Variants in CADPS2 observed in about 807,000 individuals in gnomAD.
CADPS2 encodes calcium dependent secretion activator 2, also known as calcium-dependent secretion activator 2.
CADPS2 carries 93 observed loss-of-function variants against 172.5 expected under a neutral mutation model. The ratio of observed to expected loss-of-function variants is 0.54; its 90% CI spans 0.46 to 0.64. The LOEUF (loss-of-function observed/expected upper bound fraction) is 0.64, where lower values mean the gene tolerates loss of function less well. Among genes scored for constraint, CADPS2 ranks in the 30% least tolerant of loss-of-function variants. The pLI is 0.00. For synonymous variants in CADPS2, 546 were observed against 555.2 expected, an observed-to-expected ratio of 0.98 and a Z score of 0.23; for missense variants, 1,420 against 1,565.9, an observed-to-expected ratio of 0.91 and a Z score of 1.57.
intron 2 of CADPS2, chr7:122,698,160 C>T (rs758741137): frequency 1.2e-6 from 2 of 1,613,876 alleles, no homozygotes; most frequent in Non-Finnish European, 1.7e-6. Flanking sequence ...CGCAGCTATC[C>T]CCATTTGGAT....
chr7:122,671,263 C>T (rs1221236943), intron 2 of CADPS2, among the ~76,000 whole-genome samples: 1 of 152,194 alleles, frequency 6.6e-6, no homozygotes, highest in Non-Finnish European at 1.5e-5. Flanking sequence ...CACTAGGCTA[C>T]GTACATAGAC....
intron 2 of CADPS2, among the ~76,000 whole-genome samples, chr7:122,736,293 T>C (rs2092144369): frequency 6.6e-6 from 1 of 152,214 alleles, no homozygotes; most frequent in Non-Finnish European, 1.5e-5. Flanking sequence ...CTTCTTCAGC[T>C]GAAAGGTGTT....
At position 122,490,156 on chromosome 7, in the gene CADPS2, A is replaced by G. The variant is rs759378109; in HGVS notation, c.1777T>C (p.Tyr593His). 2 of 1,613,564 alleles carry G rather than the reference A, an allele frequency of 1.2e-6. No homozygotes were observed. The highest frequency in any genetic ancestry group is 1.1e-5 in the South Asian group (1 of 91,082). Residue 593 changes from tyrosine (Y) to histidine (H), a missense_variant, in exon 11 of 30, where the codon TAT becomes CAT. Coordinates refer to ENST00000449022, the MANE Select transcript of CADPS2 (RefSeq NM_017954.11). Reference protein sequence around the residue: ...QAMYRATGQSYKPVPAIQTQK... With the variant: ...QAMYRATGQSHKPVPAIQTQK... The stretch of plus-strand genomic sequence containing the variant: ...GTTTGAATTGCAGGAACTGGTTTAT[A>G]TGATTGACCTGTGGCCCTATACATG...
At position 122,379,357 on chromosome 7, in the gene CADPS2, T is replaced by C; in HGVS notation, c.3387+11A>G. 6.5e-7 allele frequency: 1 copy of C among 1,535,998 alleles called. No homozygotes were observed. Among genetic ancestry groups the C allele is most frequent in the Non-Finnish European group, 8.9e-7 (1 of 1,122,488 alleles). The stretch of plus-strand genomic sequence containing the variant: ...ACTTTGATTTAAAAAGGTGAATAAA[T>C]AATACATTACCTTTGAAACTAACAG... On this transcript the variant is annotated intron_variant, in intron 25 of 29. Transcript: ENST00000449022.
chr7:122,411,502 G>A (rs1007839793), intron 19 of CADPS2, among the ~76,000 whole-genome samples: 4 of 152,056 alleles, frequency 2.6e-5, no homozygotes, highest in Admixed American at 2.0e-4. Context: ...TTACAGGTGT[G>A]AGCCACCGCA....
At chr7:122,417,656 T>G (rs955755180) in intron 17 of CADPS2, among the ~76,000 whole-genome samples, 2 of 152,174 alleles carry the variant, frequency 1.3e-5, no homozygotes, top group Non-Finnish European at 2.9e-5. Flanking sequence ...TGGGGGCCGC[T>G]CTAGCTGTTC....
At chr7:122,651,910 C>T (rs1163578978) in intron 3 of CADPS2, among the ~76,000 whole-genome samples, 1 of 152,148 alleles carries the variant, frequency 6.6e-6, no homozygotes, top group Non-Finnish European at 1.5e-5. Context: ...TTACATGCCT[C>T]TCTATAGTCC....
intron 2 of CADPS2, among the ~76,000 whole-genome samples, chr7:122,686,688 C>T (rs1489713033): frequency 1.3e-5 from 2 of 152,220 alleles, no homozygotes; most frequent in Non-Finnish European, 2.9e-5. Flanking sequence ...AGTAACTATG[C>T]TCTGCACTGT....
intron 7 of CADPS2, among the ~76,000 whole-genome samples, chr7:122,570,133 T>A (rs1328377205): frequency 1.3e-5 from 2 of 148,350 alleles, no homozygotes; most frequent in Admixed American, 6.7e-5. Context: ...AACCTACTCA[T>A]CTGACGAAGG....
Position 122,698,318 on chromosome 7 carries a change from T to C in CADPS2, c.454-34749A>G, listed in dbSNP as rs369604656. 1.1e-5 allele frequency: 17 copies of C among 1,613,998 alleles called. No homozygotes were observed. Among genetic ancestry groups the C allele is most frequent in the Non-Finnish European group, 1.4e-5 (17 of 1,179,972 alleles). On this transcript the variant is annotated intron_variant, in intron 2 of 29. Coordinates refer to ENST00000449022, the MANE Select transcript of CADPS2 (RefSeq NM_017954.11). ...TGATAAAAGATGAAATATGCTAAGG[T>C]AGCAGTTGTGACAATCACAAAAGAG...
chr7:122,600,872 A>C (rs1203597994), intron 6 of CADPS2, among the ~76,000 whole-genome samples: 1 of 152,108 alleles, frequency 6.6e-6, no homozygotes, highest in Non-Finnish European at 1.5e-5. Context: ...AACACTGCTC[A>C]CATATAAAAC....
At chr7:122,364,096 T>C (rs1563154913) in intron 25 of CADPS2, among the ~76,000 whole-genome samples, 1 of 152,166 alleles carries the variant, frequency 6.6e-6, no homozygotes, top group East Asian at 1.9e-4. Flanking sequence ...TGATACGCCA[T>C]ATGCAATGTG....
At chr7:122,641,862 TAAA>T (rs758278861) in intron 3 of CADPS2, among the ~76,000 whole-genome samples, 1 of 143,404 alleles carries the variant, frequency 7.0e-6, no homozygotes, top group African/African-American at 2.6e-5. Context: ...TATGTTACGT[TAAA>T]AAAAAAAAAA....
chr7:122,492,111 G>T (rs56004723), intron 9 of CADPS2, among the ~76,000 whole-genome samples: 39,736 of 151,928 alleles, frequency 0.26, 5,426 homozygotes, highest in East Asian at 0.37. Flanking sequence ...GGCTGAGGTT[G>T]TAGTGAGACG....
At chr7:122,379,226 A>C in intron 25 of CADPS2, 142 bp downstream of exon 25, 1 of 527,904 alleles carries the variant, frequency 1.9e-6, no homozygotes, top group East Asian at 3.2e-5. Context: ...TTTTGCTCCC[A>C]ACTTTTCTGA....
intron 6 of CADPS2, among the ~76,000 whole-genome samples, chr7:122,596,940 G>C (rs1253355489): frequency 6.6e-6 from 1 of 152,066 alleles, no homozygotes; most frequent in Non-Finnish European, 1.5e-5. Flanking sequence ...GAGGGCATCA[G>C]GCTGCTTCCA....
intron 1 of CADPS2, among the ~76,000 whole-genome samples, chr7:122,751,026 G>T (rs1450860289): frequency 6.6e-6 from 1 of 152,116 alleles, no homozygotes; most frequent in African/African-American, 2.4e-5. Context: ...GGGACACACA[G>T]GATAAAACTC....
chr7:122,460,213 T>C (rs778682561), intron 14 of CADPS2, among the ~76,000 whole-genome samples: 5 of 152,000 alleles, frequency 3.3e-5, no homozygotes, highest in Non-Finnish European at 5.9e-5. Context: ...ACAACAATTA[T>C]ATATTAAATG....
At chr7:122,452,246 G>A (rs1207622456) in intron 14 of CADPS2, among the ~76,000 whole-genome samples, 2 of 152,048 alleles carry the variant, frequency 1.3e-5, no homozygotes, top group Admixed American at 6.5e-5. Context: ...CTAAAATTTT[G>A]AACATATAAA....
Sources: allele counts gnomAD v4.1 joint callset (sites outside exome capture counted in the v4.1 genomes callset), GRCh38; gene constraint gnomAD v4.1.1; transcripts MANE v1.5; gene names NCBI Gene and HGNC (gene_info 2026-07-23, HGNC 2026-07-21).